Variants in GNAO1 observed in about 807,000 individuals in gnomAD.
GNAO1 encodes the protein G protein subunit alpha o1.
For missense variants in GNAO1, 166 were observed against 478.7 expected (o/e 0.35, Z 6.10); for synonymous variants, 164 against 180.7 (o/e 0.91, Z 0.74).
In GNAO1 at chr16:56,294,303, T is replaced by A. The variant is rs563686809; in HGVS notation, c.303+18231T>A. Reference sequence around the variant, plus strand: ...GATAAGTCTCACAGAATGTGGGGGCTGCTCTCTTTGCTCCAACCACAGCAG... The same window carrying A: ...GATAAGTCTCACAGAATGTGGGGGCAGCTCTCTTTGCTCCAACCACAGCAG... On this transcript the variant is annotated intron_variant, in intron 3 of 8. Transcript: ENST00000262493. Among the ~76,000 whole-genome samples the A allele has an allele frequency of 2.0e-5, 3 of 149,418 alleles. No individual in the cohort carries two copies. The East Asian group carries it at 5.9e-4, about 30-fold the overall frequency.
chr16:56,191,764 G>A lies in GNAO1; in HGVS notation c.-472G>A, dbSNP rs1202104518. On this transcript the variant is annotated 5_prime_UTR_variant, in exon 1 of 9. Transcript: ENST00000262493. The surrounding 1 kb of genome is among the most constrained non-coding windows in gnomAD (Gnocchi z 4.7). ...CTCCACATCCCGCGCCGCCGCCGCC[G>A]CCTCCTCCACCTCCTCCTCCGCCGC... 2 of 210,532 alleles carry A rather than the reference G, an allele frequency of 9.5e-6. No individual in the cohort carries two copies. Among genetic ancestry groups the A allele is most frequent in the Admixed American group, 5.5e-5 (1 of 18,056 alleles). The allele number at this position is 210,532 out of a possible 1,614,324, so 13.0% of individuals were successfully genotyped here.
At chr16:56,321,823 G>A (rs1282393226) in intron 3 of GNAO1, among the ~76,000 whole-genome samples, 2 of 152,198 alleles carry the variant, frequency 1.3e-5, no homozygotes, top group African/African-American at 2.4e-5. Context: ...AGCACGCAGT[G>A]AGTTTTCTAA....
chr16:56,352,329 T>C (rs2550300), intron 7 of GNAO1: 2,638 of 152,574 alleles, frequency 0.017, 76 homozygotes, highest in African/African-American at 0.06. Context: ...TTCCGTGGAA[T>C]GGGCCAACTC....
At chr16:56,235,200 C>A (rs767923321) in intron 2 of GNAO1, 6 of 404,342 alleles carry the variant, frequency 1.5e-5, no homozygotes, top group African/African-American at 1.2e-4. Flanking sequence ...GTTATGTCTT[C>A]TAGCATTTGA....
At chr16:56,208,448 T>C (rs199843757) in intron 2 of GNAO1, among the ~76,000 whole-genome samples, 6,662 of 50,086 alleles carry the variant, frequency 0.13, 247 homozygotes, top group South Asian at 0.28. Context: ...TGTGTGTGTG[T>C]GCGCGCGCGC....
chr16:56,196,978 G>A (rs1419644671), intron 2 of GNAO1, among the ~76,000 whole-genome samples: 1 of 152,160 alleles, frequency 6.6e-6, no homozygotes, highest in East Asian at 1.9e-4. Flanking sequence ...TTTCCTCCCA[G>A]CTGACCCTGA....
intron 2 of GNAO1, among the ~76,000 whole-genome samples, chr16:56,228,402 TGTGA>T (rs1466438403): frequency 2.0e-5 from 3 of 151,946 alleles, no homozygotes; most frequent in African/African-American, 4.8e-5. Context: ...TGTGTATATA[TGTGA>T]GTGTGTGTGT....
chr16:56,308,645 T>C (rs922444), intron 3 of GNAO1, among the ~76,000 whole-genome samples: 98,563 of 151,846 alleles, frequency 0.65, 32,295 homozygotes, highest in South Asian at 0.7. Flanking sequence ...GAGGACTGAG[T>C]CCTTGGGAAC....
intron 4 of GNAO1, among the ~76,000 whole-genome samples, chr16:56,331,752 T>G (rs1320992609): frequency 6.6e-6 from 1 of 152,180 alleles, no homozygotes; most frequent in Non-Finnish European, 1.5e-5. Flanking sequence ...TGTCTCGTTT[T>G]AAACACCTTG....
chr16:56,274,294 A>T (rs2037042680), intron 2 of GNAO1, among the ~76,000 whole-genome samples: 1 of 152,164 alleles, frequency 6.6e-6, no homozygotes, highest in Non-Finnish European at 1.5e-5. Context: ...CTAGTTGTTT[A>T]CAGTGGGAGC....
At position 56,351,747 on chromosome 16, in the gene GNAO1, T is replaced by C; in HGVS notation, c.877+210T>C. 1.8e-6 allele frequency: 1 copy of C among 562,696 alleles called. No homozygotes were observed. The highest frequency in any genetic ancestry group is 3.2e-6 in the Non-Finnish European group (1 of 314,040). 34.9% of individuals were successfully genotyped at this position (562,696 alleles called of 1,614,324 possible). A position where few individuals can be genotyped will look rare whatever the true frequency, so the allele number is the denominator to read the frequency against. Reference sequence around the variant, plus strand: ...CCCTCAGCGTGGTGGAAATGGCCCCTCCTAAGATATATGTGTTAGGACCAA... The same window carrying C: ...CCCTCAGCGTGGTGGAAATGGCCCCCCCTAAGATATATGTGTTAGGACCAA... On this transcript the variant is annotated intron_variant, in intron 7 of 8. Coordinates refer to ENST00000262493, the MANE Select transcript of GNAO1 (RefSeq NM_020988.3). This position sits in a 1 kb window ranked among gnomAD's most constrained non-coding sequence, Gnocchi z 6.1.
Position 56,351,670 on chromosome 16 carries a change from C to T in GNAO1, c.877+133C>T, listed in dbSNP as rs1029990017. The T allele has an allele frequency of 3.2e-5, 22 of 683,594 alleles. No individual in the cohort carries two copies. Among genetic ancestry groups the T allele is most frequent in the Middle Eastern group, 2.8e-4 (1 of 3,622 alleles). 42.3% of individuals were successfully genotyped at this position (683,594 alleles called of 1,614,324 possible). On this transcript the variant is annotated intron_variant, in intron 7 of 8. Transcript: ENST00000262493. The surrounding 1 kb of genome is among the most constrained non-coding windows in gnomAD (Gnocchi z 6.1). ...GACCCATTGCAGGAGACTGGTGGGG[C>T]GCAAAAGAAAAACAGTGCTGTGCCA...
At chr16:56,343,771 G>A (rs201386820) in intron 6 of GNAO1, 23 of 1,612,626 alleles carry the variant, frequency 1.4e-5, no homozygotes, top group South Asian at 7.7e-5. Context: ...AGGCCCCAGC[G>A]CCTTCACAGA....
At chr16:56,319,273 A>G (rs74871091) in intron 3 of GNAO1, among the ~76,000 whole-genome samples, 1 of 152,260 alleles carries the variant, frequency 6.6e-6, no homozygotes, top group South Asian at 2.1e-4. Context: ...GAGGTCTTCT[A>G]TCCTTTTCGC....
intron 2 of GNAO1, chr16:56,235,205 A>G: frequency 2.4e-6 from 1 of 409,408 alleles, no homozygotes; most frequent in Non-Finnish European, 4.8e-6. Context: ...GTCTTCTAGC[A>G]TTTGACTCCC....
chr16:56,323,772 G>T (rs1338737741), intron 3 of GNAO1, among the ~76,000 whole-genome samples: 1 of 152,108 alleles, frequency 6.6e-6, no homozygotes, highest in Non-Finnish European at 1.5e-5. Flanking sequence ...GGAAACTAAT[G>T]GTCTCCTTCT....
At chr16:56,344,745 C>G (rs2037845961) in intron 6 of GNAO1, 1 of 985,364 alleles carries the variant, frequency 1.0e-6, no homozygotes, top group Admixed American at 6.1e-5. Context: ...CAAAGGGTGA[C>G]CCATTTCTTT....
At chr16:56,322,987 C>A (rs1440090217) in intron 3 of GNAO1, among the ~76,000 whole-genome samples, 4 of 152,188 alleles carry the variant, frequency 2.6e-5, no homozygotes. Context: ...CCCTGAGGAC[C>A]AGGCTCATAC....
chr16:56,341,852 G>A (rs1404659516), intron 6 of GNAO1, among the ~76,000 whole-genome samples: 1 of 152,210 alleles, frequency 6.6e-6, no homozygotes, highest in Non-Finnish European at 1.5e-5. Context: ...CCTGTCCAGA[G>A]AAGTGAGTGG....
Sources: gnomAD v4.1 joint callset for allele counts (sites outside exome capture counted in the v4.1 genomes callset) on GRCh38, gnomAD v4.1.1 for gene constraint, Gnocchi (gnomAD v3.1) non-coding constraint, MANE v1.5 for transcripts, NCBI Gene and HGNC (gene_info 2026-07-23, HGNC 2026-07-21) for gene names.